The following ZNF500 variants were observed in gnomAD, a reference collection of about 807,000 sequenced individuals.
The protein encoded by ZNF500 is zinc finger protein 500.
Under a neutral mutation model 30.1 loss-of-function variants are expected in ZNF500, and 31 were observed. The observed-to-expected ratio is 1.03, with a 90% confidence interval of 0.77 to 1.39. ZNF500 has a LOEUF of 1.39. Ranked by LOEUF, ZNF500 falls within the 40% of genes most tolerant of loss-of-function variation. The pLI is 0.00. For missense variants in ZNF500, 817 were observed against 657.8 expected (o/e 1.24, Z -2.65); for synonymous variants, 392 against 282.0 (o/e 1.39, Z -3.91).
chr16:4,747,110 C>T, downstream of ZNF500: 1 of 1,346,746 alleles, frequency 7.4e-7, no homozygotes, highest in Non-Finnish European at 1.0e-6. Flanking sequence ...CATTTACCGC[C>T]TGTGGTGAGG....
intron 2 of ZNF500, chr16:4,763,045 G>C: frequency 2.0e-6 from 2 of 985,472 alleles, no homozygotes; most frequent in African/African-American, 1.7e-5. Context: ...GGCCAGAAGA[G>C]CCCTGAGTCA....
At chr16:4,755,420 G>A (rs556245135) in intron 5 of ZNF500, among the ~76,000 whole-genome samples, 20 of 152,254 alleles carry the variant, frequency 1.3e-4, no homozygotes, top group Admixed American at 2.6e-4. Flanking sequence ...AGGTTCAAGC[G>A]ATTCTCCTAC....
In ZNF500 at chr16:4,760,677, C is replaced by A. The variant is rs940072773; in HGVS notation, c.664-89G>T. ...ACTGGCCCAGGGAGCTGCACCGCCACTGCCCCTCGAGGCTGGCGCCAAGCC... is the reference window on the plus strand; with the variant it reads ...ACTGGCCCAGGGAGCTGCACCGCCAATGCCCCTCGAGGCTGGCGCCAAGCC... On this transcript the variant is annotated intron_variant, in intron 4 of 5. Coordinates refer to ENST00000219478, the MANE Select transcript of ZNF500 (RefSeq NM_021646.4). 5 of 1,198,906 alleles carry A rather than the reference C, an allele frequency of 4.2e-6. No homozygotes were observed. The African/African-American group carries it at 6.1e-5, about 15-fold the overall frequency. 74.3% of individuals were successfully genotyped at this position (1,198,906 alleles called of 1,614,324 possible).
chr16:4,760,413 G>T, intron 5 of ZNF500, 79 bp downstream of exon 5: 2 of 1,406,652 alleles, frequency 1.4e-6, no homozygotes, highest in Non-Finnish European at 2.0e-6. Flanking sequence ...TGGACCAACA[G>T]AACCAAGCCC....
At chr16:4,766,826 G>C (rs550675284) in intron 1 of ZNF500, 191 bp downstream of exon 1, 2 of 152,254 alleles carry the variant, frequency 1.3e-5, no homozygotes, top group Non-Finnish European at 2.9e-5. Context: ...CCCCGCGTGG[G>C]TGGTCACGAC....
Position 4,755,274 on chromosome 16 carries a change from G to A in ZNF500, c.761-2216C>T, listed in dbSNP as rs189073946. On this transcript the variant is annotated intron_variant, in intron 5 of 5. Transcript: ENST00000219478. ...CCTCCCAAAGTGCTGAGATATAGGC[G>A]TGAGCCACAGCACCCAGCCTTGTTG... Among the ~76,000 whole-genome samples the A allele has an allele frequency of 3.0e-3, 452 of 152,150 alleles. 3 individuals carry two copies. The highest frequency in any genetic ancestry group is 4.3e-3 in the Non-Finnish European group (290 of 68,010).
chr16:4,760,228 A>G (rs1452483677), intron 5 of ZNF500, among the ~76,000 whole-genome samples: 2 of 152,190 alleles, frequency 1.3e-5, no homozygotes, highest in Non-Finnish European at 2.9e-5. Context: ...AGGAGGGCAC[A>G]GGGAAGCTGA....
intron 2 of ZNF500, chr16:4,763,989 C>A: frequency 1.0e-6 from 1 of 985,442 alleles, no homozygotes; most frequent in Non-Finnish European, 1.2e-6. Context: ...ACTGAAACAG[C>A]AGGTGGCAGG....
rs1480872474 is a variant in ZNF500 at position 4,751,678 on chromosome 16, T to A, written c.*698A>T. Reference sequence around the variant, plus strand: ...TGTGACCTTATTTGGAAACACGGGTTTTGATGATATAATTAGTTAAGATGA... The same window carrying A: ...TGTGACCTTATTTGGAAACACGGGTATTGATGATATAATTAGTTAAGATGA... On this transcript the variant is annotated 3_prime_UTR_variant, in exon 6 of 6. Transcript: ENST00000219478. 3.3e-6 allele frequency: 5 copies of A among 1,519,950 alleles called. No homozygotes were observed. The highest frequency in any genetic ancestry group is 4.4e-6 in the Non-Finnish European group (5 of 1,133,200). 94.2% of individuals were successfully genotyped at this position (1,519,950 alleles called of 1,614,324 possible). A position where few individuals can be genotyped will look rare whatever the true frequency, so the allele number is the denominator to read the frequency against.
chr16:4,761,252 C>A (rs1038188543), intron 4 of ZNF500, among the ~76,000 whole-genome samples: 1 of 151,960 alleles, frequency 6.6e-6, no homozygotes, highest in Non-Finnish European at 1.5e-5. Flanking sequence ...GCCTGGCCAA[C>A]ATGGTGAAAC....
At chr16:4,759,760 C>T (rs923128317) in intron 5 of ZNF500, among the ~76,000 whole-genome samples, 2 of 152,004 alleles carry the variant, frequency 1.3e-5, no homozygotes, top group South Asian at 2.1e-4. Context: ...AGCATGGCCA[C>T]GCACGGTGGC....
At chr16:4,761,578 G>A (rs557020716) in intron 4 of ZNF500, among the ~76,000 whole-genome samples, 2 of 151,316 alleles carry the variant, frequency 1.3e-5, no homozygotes, top group African/African-American at 2.4e-5. Context: ...AGGCATGGTG[G>A]CTTATGCCTG....
Position 4,765,685 on chromosome 16 carries a change from G to A in ZNF500, c.294C>T (p.Phe98=). The A allele has an allele frequency of 1.2e-6, 2 of 1,613,608 alleles. No individual in the cohort carries two copies. Among genetic ancestry groups the A allele is most frequent in the East Asian group, 2.2e-5 (1 of 44,874 alleles). The change falls in exon 2 of 6, where the codon TTC becomes TTT. Residue 98 remains phenylalanine, a synonymous_variant. Transcript: ENST00000219478. ...GGATCTCCCCCGGCAGCACAGTCAG[G>A]AACTGCTCCAGCACCAGCAGCTCCA... ...QILELLVLEQ[F]LTVLPGEIQA... is the part of the protein sequence containing the mutation.
chr16:4,759,416 G>T (rs1013786614), intron 5 of ZNF500, among the ~76,000 whole-genome samples: 4 of 152,250 alleles, frequency 2.6e-5, no homozygotes, highest in South Asian at 4.1e-4. Context: ...GGAACGGAAA[G>T]CAGAGTTGAT....
rs776658810 is a variant in ZNF500 at position 4,762,770 on chromosome 16, G to A, written c.415-14C>T. 8.2e-6 allele frequency: 13 copies of A among 1,578,948 alleles called. No homozygotes were observed. The highest frequency in any genetic ancestry group is 1.1e-5 in the Non-Finnish European group (13 of 1,159,100). ...CAGCTCTGAGCCCTGCACACAGACA[G>A]TGATCTCCCCACCAGCTCCCAGAAG... is the stretch of plus-strand genomic sequence containing the variant. On this transcript the variant is annotated splice_polypyrimidine_tract_variant and intron_variant, in intron 2 of 5. Coordinates refer to ENST00000219478, the MANE Select transcript of ZNF500 (RefSeq NM_021646.4).
chr16:4,755,969 C>T (rs940267940), intron 5 of ZNF500, among the ~76,000 whole-genome samples: 3 of 152,290 alleles, frequency 2.0e-5, no homozygotes, highest in South Asian at 4.1e-4. Context: ...AGTCCCTGCA[C>T]GATTCCCTTT....
chr16:4,762,682 A>G lies in ZNF500; in HGVS notation c.489T>C (p.Ala163=). The change falls in exon 3 of 6, where the codon GCT becomes GCC. Residue 163 remains alanine, a synonymous_variant. Coordinates refer to ENST00000219478, the MANE Select transcript of ZNF500 (RefSeq NM_021646.4). ...GGQFLKHQAE[A]QPEDLSLEEE... ...CCTCCAGGGACAGATCCTCTGGCTG[A>G]GCCTCTGCCTGGTGTTTTAAGAACT... The G allele has an allele frequency of 6.2e-7, 1 of 1,614,048 alleles. No homozygotes were observed. The highest frequency in any genetic ancestry group is 8.5e-7 in the Non-Finnish European group (1 of 1,179,972).
intron 5 of ZNF500, among the ~76,000 whole-genome samples, chr16:4,753,418 C>T (rs2082105610): frequency 6.6e-6 from 1 of 152,202 alleles, no homozygotes; most frequent in Non-Finnish European, 1.5e-5. Context: ...GCTGTGATCG[C>T]GCCACTACAT....
chr16:4,762,345 A>T lies in ZNF500; in HGVS notation c.599-10T>A. The T allele has an allele frequency of 6.2e-7, 1 of 1,601,540 alleles. No individual in the cohort carries two copies. Among genetic ancestry groups the T allele is most frequent in the South Asian group, 1.1e-5 (1 of 89,168 alleles). Reference sequence around the variant, plus strand: ...CGGGGAGCTGGAGGGCCTGGGAAGGAGCAGAGTCACCACCAGTCACACAGC... The same window carrying T: ...CGGGGAGCTGGAGGGCCTGGGAAGGTGCAGAGTCACCACCAGTCACACAGC... On this transcript the variant is annotated splice_polypyrimidine_tract_variant and intron_variant, in intron 3 of 5. Transcript: ENST00000219478.
Sources: allele counts gnomAD v4.1 joint callset (sites outside exome capture counted in the v4.1 genomes callset), GRCh38; gene constraint gnomAD v4.1.1; transcripts MANE v1.5; gene names NCBI Gene and HGNC (gene_info 2026-07-23, HGNC 2026-07-21).